ROBO1: variants seen among roughly 807,000 people sequenced by gnomAD.
ROBO1 encodes roundabout guidance receptor 1, also known as roundabout homolog 1.
Under a neutral mutation model 195.9 loss-of-function variants are expected in ROBO1, and 149 were observed. The ratio of observed to expected loss-of-function variants is 0.76; its 90% CI spans 0.67 to 0.87. ROBO1 has a LOEUF of 0.87. Among genes scored for constraint, ROBO1 ranks in the 40% least tolerant of loss-of-function variants. ROBO1 has a pLI of 0.00. For missense variants in ROBO1, 1,933 were observed against 2,068.3 expected, an observed-to-expected ratio of 0.93 and a Z score of 1.27; for synonymous variants, 816 against 733.2, an observed-to-expected ratio of 1.11 and a Z score of -1.82.
intron 1 of ROBO1, among the ~76,000 whole-genome samples, chr3:79,645,955 A>AGGAT (rs1945810221): frequency 6.6e-6 from 1 of 152,166 alleles, no homozygotes; most frequent in South Asian, 2.1e-4. Context: ...ACTTAAAGGC[A>AGGAT]GGATCTGAAA....
At chr3:79,484,646 C>T (rs558936539) in intron 2 of ROBO1, among the ~76,000 whole-genome samples, 46 of 151,430 alleles carry the variant, frequency 3.0e-4, no homozygotes, top group African/African-American at 8.5e-4. Flanking sequence ...ATAATATGCA[C>T]GTGATAGTTC....
intron 2 of ROBO1, among the ~76,000 whole-genome samples, chr3:79,573,769 A>G (rs1943355454): frequency 6.6e-6 from 1 of 152,200 alleles, no homozygotes; most frequent in Admixed American, 6.5e-5. Context: ...CATTAAAATT[A>G]CCTTAACTCT....
intron 2 of ROBO1, among the ~76,000 whole-genome samples, chr3:79,199,867 C>T (rs184156722): frequency 6.6e-6 from 1 of 151,538 alleles, no homozygotes; most frequent in East Asian, 1.9e-4. Flanking sequence ...GTGTTCTTGC[C>T]CTGTACTGAA....
chr3:79,572,503 G>T (rs1670513236), intron 2 of ROBO1, among the ~76,000 whole-genome samples: 1 of 151,824 alleles, frequency 6.6e-6, no homozygotes, highest in South Asian at 2.1e-4. Context: ...TAATAAACAT[G>T]TATTGTCCAT....
intron 4 of ROBO1, among the ~76,000 whole-genome samples, chr3:78,769,796 G>A (rs185173115): frequency 2.1e-3 from 315 of 152,108 alleles, no homozygotes; most frequent in Non-Finnish European, 2.9e-3. Flanking sequence ...CTCAGCCTTT[G>A]TTTGTCTGAA....
intron 3 of ROBO1, among the ~76,000 whole-genome samples, chr3:78,948,953 G>A (rs978691658): frequency 3.3e-5 from 5 of 151,364 alleles, no homozygotes; most frequent in Admixed American, 6.6e-5. Flanking sequence ...CAACTTACAA[G>A]GGATGTGAAG....
chr3:79,661,597 C>T (rs1337859439), intron 1 of ROBO1, among the ~76,000 whole-genome samples: 4 of 151,450 alleles, frequency 2.6e-5, no homozygotes, highest in African/African-American at 7.3e-5. Context: ...TCAACCAAGT[C>T]GTCTTTCTTT....
At chr3:78,711,333 T>A in intron 8 of ROBO1, among the ~76,000 whole-genome samples, 2 of 116,364 alleles carry the variant, frequency 1.7e-5, no homozygotes, top group East Asian at 3.6e-4. Flanking sequence ...CTCTCCTTCC[T>A]TCCTTCCTTC....
chr3:78,924,620 T>A, intron 4 of ROBO1, among the ~76,000 whole-genome samples: 1 of 151,888 alleles, frequency 6.6e-6, no homozygotes, highest in East Asian at 1.9e-4. Context: ...TGTGTATACT[T>A]TCTGTGTTCA....
chr3:78,723,776 G>A (rs1046629503), intron 5 of ROBO1, among the ~76,000 whole-genome samples: 1 of 152,092 alleles, frequency 6.6e-6, no homozygotes, highest in Non-Finnish European at 1.5e-5. Flanking sequence ...TTGAGAAACT[G>A]TGTTCTAAAG....
rs1487234756 is a variant in ROBO1, at chr3:79,035,386, T to C, written c.172+90070A>G. On this transcript the variant is annotated intron_variant, in intron 3 of 30. Coordinates refer to ENST00000464233, the MANE Select transcript of ROBO1 (RefSeq NM_002941.4). ...GTTAATTTCTATGGAAATGTTAAAA[T>C]AGAAAGCTGGCTTGACTGAATTATT... Among the ~76,000 whole-genome samples, 4 of 152,270 alleles carry C rather than the reference T, an allele frequency of 2.6e-5. No individual in the cohort carries two copies. In the East Asian group the frequency reaches 7.7e-4, roughly 29 times the overall value.
chr3:79,667,716 A>G (rs183075293), intron 1 of ROBO1, among the ~76,000 whole-genome samples: 311 of 151,964 alleles, frequency 2.0e-3, no homozygotes, highest in Non-Finnish European at 2.3e-3. Flanking sequence ...TGATGTCTTG[A>G]TCAAGCAATC....
chr3:78,689,306 G>A (rs145975331), intron 8 of ROBO1, among the ~76,000 whole-genome samples: 2 of 152,230 alleles, frequency 1.3e-5, no homozygotes, highest in Admixed American at 6.5e-5. Context: ...ACATAGGCAA[G>A]GACATGTTCA....
chr3:79,628,583 C>A (rs530619678), intron 1 of ROBO1, among the ~76,000 whole-genome samples: 16 of 152,162 alleles, frequency 1.1e-4, no homozygotes, highest in Non-Finnish European at 2.1e-4. Context: ...GTACGTTCTG[C>A]ACATGTATCC....
chr3:79,371,848 A>G lies in ROBO1; in HGVS notation c.88+217976T>C, dbSNP rs898187957. 2.6e-5 allele frequency among the ~76,000 whole-genome samples: 4 copies of G among 152,296 alleles called. No individual in the cohort carries two copies. In the South Asian group the frequency reaches 8.3e-4, roughly 32 times the overall value. ...CCTCATCTGATAGGATTAATGTTCT[A>G]GTGCAGTGGTCCCTAACCTTTTAGG... is the stretch of plus-strand genomic sequence containing the variant. On this transcript the variant is annotated intron_variant, in intron 2 of 30. Transcript: ENST00000464233.
intron 1 of ROBO1, among the ~76,000 whole-genome samples, chr3:79,600,629 A>G (rs992174012): frequency 2.1e-5 from 3 of 142,974 alleles, no homozygotes; most frequent in African/African-American, 7.4e-5. Context: ...CTTAGTTTAA[A>G]TGAAAAAGAA....
intron 2 of ROBO1, among the ~76,000 whole-genome samples, chr3:79,248,374 C>CAAAAAAAAAA (rs10559171): frequency 5.5e-5 from 2 of 36,202 alleles, no homozygotes; most frequent in African/African-American, 9.9e-5. Context: ...GAAGACAGAC[C>CAAAAAAAAAA]AAAAAAAAAA....
At chr3:79,729,370 G>A (rs1001523665) in intron 1 of ROBO1, among the ~76,000 whole-genome samples, 5 of 152,072 alleles carry the variant, frequency 3.3e-5, no homozygotes, top group South Asian at 2.1e-4. Flanking sequence ...CCCACACTCT[G>A]ACATGCACAG....
chr3:78,842,062 A>G (rs1239208804), intron 4 of ROBO1, among the ~76,000 whole-genome samples: 1 of 151,060 alleles, frequency 6.6e-6, no homozygotes, highest in African/African-American at 2.4e-5. Flanking sequence ...ATCAGCAACA[A>G]AAGCACAAAA....
Sources: gnomAD v4.1 joint callset for allele counts (sites outside exome capture counted in the v4.1 genomes callset) on GRCh38, gnomAD v4.1.1 for gene constraint, MANE v1.5 for transcripts, NCBI Gene and HGNC (gene_info 2026-07-23, HGNC 2026-07-21) for gene names.